KDM1B: variants seen among roughly 807,000 people sequenced by gnomAD.
KDM1B encodes lysine demethylase 1B.
Under a neutral mutation model 107.4 loss-of-function variants are expected in KDM1B, and 63 were observed. That is an observed-to-expected ratio of 0.59 (90% CI 0.48 to 0.72). The LOEUF (loss-of-function observed/expected upper bound fraction) is 0.72, where lower values mean the gene tolerates loss of function less well. Among genes scored for constraint, KDM1B ranks in the 30% least tolerant of loss-of-function variants. KDM1B has a pLI of 0.00. For missense variants in KDM1B, 749 were observed against 1,020.8 expected, an observed-to-expected ratio of 0.73 and a Z score of 3.63; for synonymous variants, 363 against 363.9, an observed-to-expected ratio of 1.00 and a Z score of 0.03.
chr6:18,161,063 T>A (rs1159501709), intron 3 of KDM1B, among the ~76,000 whole-genome samples: 1 of 152,116 alleles, frequency 6.6e-6, no homozygotes, highest in African/African-American at 2.4e-5. Flanking sequence ...CTGATGTCAC[T>A]TTTTTCTAAG....
At chr6:18,218,968 TCTC>T (rs560744100) in intron 21 of KDM1B, among the ~76,000 whole-genome samples, 47 of 152,330 alleles carry the variant, frequency 3.1e-4, no homozygotes, top group African/African-American at 9.9e-4. Context: ...AGTGGCACGA[TCTC>T]AGCTCACTGC....
chr6:18,160,267 G>T (rs778042897), intron 3 of KDM1B, among the ~76,000 whole-genome samples: 1 of 152,162 alleles, frequency 6.6e-6, no homozygotes, highest in Non-Finnish European at 1.5e-5. Flanking sequence ...TGTGAGGCTG[G>T]GGCCAGATCA....
rs897642037 is a variant in KDM1B, at chr6:18,172,708, T to A, written c.534+1229T>A. 6.6e-6 allele frequency among the ~76,000 whole-genome samples: 1 copy of A among 152,150 alleles called. No homozygotes were observed. The highest frequency in any genetic ancestry group is 1.5e-5 in the Non-Finnish European group (1 of 68,034). The stretch of plus-strand genomic sequence containing the variant: ...CAGTAAAAGCCTGGGATTCAAAATA[T>A]AAACATAATATTCTATTTCATTATA... On this transcript the variant is annotated intron_variant, in intron 7 of 21. Coordinates refer to ENST00000650836, the MANE Select transcript of KDM1B (RefSeq NM_001364614.2). The surrounding 1 kb of genome is among the most constrained non-coding windows in gnomAD (Gnocchi z 5.2).
Position 18,212,658 on chromosome 6 carries a change from A to G in KDM1B, c.1983+54A>G. On this transcript the variant is annotated intron_variant, in intron 18 of 21. Transcript: ENST00000650836. This position sits in a 1 kb window ranked among gnomAD's most constrained non-coding sequence, Gnocchi z 5.2. ...GAAAGAGATTAATGTCAGATGATAG[A>G]TGTTAACTTCTGATATGGAGAAGTA... The G allele has an allele frequency of 7.1e-6, 8 of 1,123,072 alleles. No homozygotes were observed. Among genetic ancestry groups the G allele is most frequent in the Non-Finnish European group, 1.1e-5 (8 of 732,380 alleles). The allele number at this position is 1,123,072 out of a possible 1,614,324, so 69.6% of individuals were successfully genotyped here. A position where few individuals can be genotyped will look rare whatever the true frequency, so the allele number is the denominator to read the frequency against.
At position 18,203,852 on chromosome 6, in the gene KDM1B, CAAAAA is replaced by C. The variant is rs11323463; in HGVS notation, c.1532-1671_1532-1667del. Among the ~76,000 whole-genome samples, 4 of 131,698 alleles carry C rather than the reference CAAAAA, an allele frequency of 3.0e-5. No individual in the cohort carries two copies. Among genetic ancestry groups the C allele is most frequent in the Admixed American group, 7.5e-5 (1 of 13,280 alleles). The allele number at this position is 131,698 out of a possible 152,430, so 86.4% of individuals were successfully genotyped here. A position where few individuals can be genotyped will look rare whatever the true frequency, so the allele number is the denominator to read the frequency against. Reference sequence around the variant, plus strand: ...TTGATGACAAGCGAAACTCCGTCTCCAAAAAAAAAAAAAAAAAATCACATTGAGGC... The same window carrying C: ...TTGATGACAAGCGAAACTCCGTCTCCAAAAAAAAAAAAATCACATTGAGGC... On this transcript the variant is annotated intron_variant, in intron 14 of 21. Transcript: ENST00000650836. The surrounding 1 kb of genome is among the most constrained non-coding windows in gnomAD (Gnocchi z 5.5).
Position 18,214,254 on chromosome 6 carries a change from T to C in KDM1B, c.2109+473T>C, listed in dbSNP as rs1210654969. On this transcript the variant is annotated intron_variant, in intron 19 of 21. Coordinates refer to ENST00000650836, the MANE Select transcript of KDM1B (RefSeq NM_001364614.2). This position sits in a 1 kb window ranked among gnomAD's most constrained non-coding sequence, Gnocchi z 4.4. ...GGGGTGGTCACTTTCTCTGCCGTCA[T>C]GTCACTGCCACACGAAAGAATCATG... Among the ~76,000 whole-genome samples the C allele has an allele frequency of 6.6e-6, 1 of 152,202 alleles. No individual in the cohort carries two copies. Among genetic ancestry groups the C allele is most frequent in the African/African-American group, 2.4e-5 (1 of 41,450 alleles).
chr6:18,183,258 G>GGT (rs1413905806), intron 7 of KDM1B, among the ~76,000 whole-genome samples: 15 of 61,430 alleles, frequency 2.4e-4, no homozygotes, highest in African/African-American at 8.6e-4. Context: ...AATTTTGTGG[G>GGT]TTTTTTTTTT....
At chr6:18,216,111 A>T (rs1789209281) in intron 20 of KDM1B, among the ~76,000 whole-genome samples, 2 of 151,928 alleles carry the variant, frequency 1.3e-5, no homozygotes, top group South Asian at 4.2e-4. Context: ...ACAGAGTCTC[A>T]CTCTTTCGCC....
chr6:18,195,100 A>G (rs1787553492), intron 10 of KDM1B, among the ~76,000 whole-genome samples: 1 of 152,182 alleles, frequency 6.6e-6, no homozygotes, highest in African/African-American at 2.4e-5. Context: ...AGGTTTATCC[A>G]TGTTGTAGCA....
At chr6:18,174,690 A>T (rs1785879864) in intron 7 of KDM1B, among the ~76,000 whole-genome samples, 1 of 151,884 alleles carries the variant, frequency 6.6e-6, no homozygotes, top group Admixed American at 6.6e-5. Context: ...TAGCTTCCAC[A>T]TATCAGTGAG....
intron 16 of KDM1B, among the ~76,000 whole-genome samples, 181 bp downstream of exon 16, chr6:18,207,710 T>G (rs1307207857): frequency 6.6e-6 from 1 of 152,224 alleles, no homozygotes; most frequent in Non-Finnish European, 1.5e-5. Context: ...CAGCTGCTGC[T>G]GCTTGGAAAC....
chr6:18,188,241 A>C (rs1787010168), intron 9 of KDM1B, among the ~76,000 whole-genome samples: 1 of 152,072 alleles, frequency 6.6e-6, no homozygotes, highest in Non-Finnish European at 1.5e-5. Context: ...AATAGATAAA[A>C]ATTATTTTTA....
chr6:18,182,855 A>G (rs1786570286), intron 7 of KDM1B, among the ~76,000 whole-genome samples: 1 of 152,162 alleles, frequency 6.6e-6, no homozygotes, highest in South Asian at 2.1e-4. Flanking sequence ...ATGGCTGTCT[A>G]ATAAGTAGTC....
chr6:18,159,055 C>T lies in KDM1B; in HGVS notation c.-13-828C>T, dbSNP rs1561901116. The stretch of plus-strand genomic sequence containing the variant: ...CAATCTCGGCTCACTGCAACCTCCG[C>T]CTCCCTGGTTCAGGCGATTCTCCTG... On this transcript the variant is annotated intron_variant, in intron 2 of 21. Transcript: ENST00000650836. The surrounding 1 kb of genome is among the most constrained non-coding windows in gnomAD (Gnocchi z 4.5). Among the ~76,000 whole-genome samples the T allele has an allele frequency of 6.6e-6, 1 of 152,172 alleles. No homozygotes were observed. Among genetic ancestry groups the T allele is most frequent in the Non-Finnish European group, 1.5e-5 (1 of 68,032 alleles).
At chr6:18,180,060 G>T (rs12193249) in intron 7 of KDM1B, among the ~76,000 whole-genome samples, 5 of 148,002 alleles carry the variant, frequency 3.4e-5, no homozygotes, top group Admixed American at 2.7e-4. Flanking sequence ...TTTTAATAGA[G>T]ACGGGGTTTT....
Position 18,200,429 on chromosome 6 carries a change from G to A in KDM1B, c.1222-10G>A, listed in dbSNP as rs1445659901. 1.2e-6 allele frequency: 2 copies of A among 1,612,712 alleles called. No homozygotes were observed. The highest frequency in any genetic ancestry group is 1.3e-5 in the African/African-American group (1 of 74,942). ...TCCTATTTAGCTTCCCTGACTGTCT[G>A]TCTTTTTAGGTGACTGTCCTGGAAG... On this transcript the variant is annotated splice_polypyrimidine_tract_variant and intron_variant, in intron 12 of 21. Transcript: ENST00000650836. The surrounding 1 kb of genome is among the most constrained non-coding windows in gnomAD (Gnocchi z 4.3).
rs146630786 is a variant in KDM1B at position 18,180,379 on chromosome 6, A to C, written c.535-5393A>C. 1.7e-4 allele frequency among the ~76,000 whole-genome samples: 26 copies of C among 152,262 alleles called. No individual in the cohort carries two copies. The East Asian group carries it at 4.6e-3, about 27-fold the overall frequency. Reference sequence around the variant, plus strand: ...TGACTCAGTGGCATTTCATTATAATATTTAAAGGAGAGTTCAGCCAAGCAA... The same window carrying C: ...TGACTCAGTGGCATTTCATTATAATCTTTAAAGGAGAGTTCAGCCAAGCAA... On this transcript the variant is annotated intron_variant, in intron 7 of 21. Transcript: ENST00000650836.
chr6:18,174,394 T>C (rs1308337062), intron 7 of KDM1B, among the ~76,000 whole-genome samples: 1 of 152,168 alleles, frequency 6.6e-6, no homozygotes, highest in East Asian at 1.9e-4. Flanking sequence ...CATCTTTACA[T>C]TTTTCAGTCC....
chr6:18,203,234 G>T lies in KDM1B; in HGVS notation c.1531+1577G>T, dbSNP rs1230128073. On this transcript the variant is annotated intron_variant, in intron 14 of 21. Coordinates refer to ENST00000650836, the MANE Select transcript of KDM1B (RefSeq NM_001364614.2). This position sits in a 1 kb window ranked among gnomAD's most constrained non-coding sequence, Gnocchi z 5.5. The stretch of plus-strand genomic sequence containing the variant: ...AGAGACTGTGGTGAGCTGTGATCTC[G>T]CCACTGCACCTCAGCTTGGGTGACA... Among the ~76,000 whole-genome samples the T allele has an allele frequency of 6.6e-6, 1 of 152,088 alleles. No individual in the cohort carries two copies. The highest frequency in any genetic ancestry group is 1.5e-5 in the Non-Finnish European group (1 of 68,020).
Sources: gnomAD v4.1 joint callset for allele counts (sites outside exome capture counted in the v4.1 genomes callset) on GRCh38, gnomAD v4.1.1 for gene constraint, Gnocchi (gnomAD v3.1) non-coding constraint, MANE v1.5 for transcripts, NCBI Gene and HGNC (gene_info 2026-07-23, HGNC 2026-07-21) for gene names.